Variants in CFAP74 observed in about 807,000 individuals in gnomAD.
The protein encoded by CFAP74 is cilia and flagella associated protein 74.
CFAP74 carries 124 observed loss-of-function variants against 188.9 expected under a neutral mutation model. The observed-to-expected ratio is 0.66, with a 90% CI of 0.57 to 0.76. The LOEUF (loss-of-function observed/expected upper bound fraction) is 0.76. CFAP74 is among the 30% of genes least tolerant of loss of function. The probability of loss-of-function intolerance (pLI) is 0.00; values close to 1 mark genes in which losing one functional copy is unlikely to be tolerated. For missense variants in CFAP74, 2,198 were observed against 2,165.2 expected (o/e 1.02, Z -0.30); for synonymous variants, 956 against 916.7 (o/e 1.04, Z -0.77).
At chr1:1,994,030 T>A (rs1181056689) in intron 1 of CFAP74, among the ~76,000 whole-genome samples, 1 of 151,782 alleles carries the variant, frequency 6.6e-6, no homozygotes, top group African/African-American at 2.4e-5. Context: ...CCAGGCGTGG[T>A]GGTGGGCACC....
At position 1,985,369 on chromosome 1, in the gene CFAP74, G is replaced by A. The variant is rs1345112022; in HGVS notation, c.500+17C>T. The A allele has an allele frequency of 6.2e-7, 1 of 1,606,792 alleles. No individual in the cohort carries two copies. The highest frequency in any genetic ancestry group is 1.7e-5 in the Admixed American group (1 of 60,026). ...TGGGGCCTGCCTGCTGCCAGTCCCG[G>A]CTGCACACCGACTCACTCGCTCTCC... On this transcript the variant is annotated intron_variant, in intron 6 of 38. Coordinates refer to ENST00000682832, the MANE Select transcript of CFAP74 (RefSeq NM_001304360.2).
chr1:1,928,650 T>C, intron 27 of CFAP74, 134 bp downstream of exon 27: 1 of 631,930 alleles, frequency 1.6e-6, no homozygotes, highest in Non-Finnish European at 2.8e-6. Context: ...GCTCGACACG[T>C]GCATTGCTTG....
chr1:1,972,897 T>G, intron 8 of CFAP74, 40 bp downstream of exon 8: 1 of 1,271,198 alleles, frequency 7.9e-7, no homozygotes, highest in East Asian at 2.3e-5. Context: ...TGACCCGTAT[T>G]CTTGGGTTTC....
intron 12 of CFAP74, among the ~76,000 whole-genome samples, chr1:1,965,666 C>T (rs1310079847): frequency 6.6e-6 from 1 of 151,930 alleles, no homozygotes; most frequent in Non-Finnish European, 1.5e-5. Flanking sequence ...GTGGGGGGGG[C>T]ACTTGGCACC....
chr1:1,958,246 G>A lies in CFAP74; in HGVS notation c.1851+874C>T, dbSNP rs980741294. Reference sequence around the variant, plus strand: ...ATCTTCCTGGGGTGGGGGACATAGCGCGCCTCTGCCCTTCGCCTGCCCCGG... The same window carrying A: ...ATCTTCCTGGGGTGGGGGACATAGCACGCCTCTGCCCTTCGCCTGCCCCGG... On this transcript the variant is annotated intron_variant, in intron 16 of 38. Transcript: ENST00000682832. Among the ~76,000 whole-genome samples the A allele has an allele frequency of 7.2e-5, 11 of 152,248 alleles. 1 individual carries two copies. In the East Asian group the frequency reaches 1.3e-3, roughly 19 times the overall value.
At chr1:1,981,086 G>A (rs552167300) in intron 6 of CFAP74, among the ~76,000 whole-genome samples, 6 of 152,320 alleles carry the variant, frequency 3.9e-5, no homozygotes, top group South Asian at 2.1e-4. Context: ...CGGGGACCAC[G>A]CTCTCCAAGC....
chr1:1,973,147 G>A lies in CFAP74; in HGVS notation c.675-100C>T. The A allele has an allele frequency of 1.2e-6, 1 of 831,856 alleles. No homozygotes were observed. Among genetic ancestry groups the A allele is most frequent in the Non-Finnish European group, 1.9e-6 (1 of 518,284 alleles). 51.5% of individuals were successfully genotyped at this position (831,856 alleles called of 1,614,324 possible). A position where few individuals can be genotyped will look rare whatever the true frequency, so the allele number is the denominator to read the frequency against. ...GAGCTCGTGTCCCAGAGACGCCGTG[G>A]GCCCTTTCGCTCAGCTCTGTCCCGC... On this transcript the variant is annotated intron_variant, in intron 7 of 38. Coordinates refer to ENST00000682832, the MANE Select transcript of CFAP74 (RefSeq NM_001304360.2). The surrounding 1 kb of genome is among the most constrained non-coding windows in gnomAD (Gnocchi z 6.2).
intron 18 of CFAP74, chr1:1,955,037 G>C: frequency 8.6e-7 from 1 of 1,167,570 alleles, no homozygotes; most frequent in African/African-American, 3.1e-5. Context: ...GGCTCACACC[G>C]GAAGTGCGGC....
chr1:1,939,308 C>T lies in CFAP74; in HGVS notation c.2877+286G>A, dbSNP rs80275244. 2.2e-3 allele frequency among the ~76,000 whole-genome samples: 333 copies of T among 152,312 alleles called. 1 individual carries two copies. Among genetic ancestry groups the T allele is most frequent in the African/African-American group, 7.4e-3 (307 of 41,556 alleles). On this transcript the variant is annotated intron_variant, in intron 24 of 38. Coordinates refer to ENST00000682832, the MANE Select transcript of CFAP74 (RefSeq NM_001304360.2). ...GTGAGGGGTGCCCAGGCTTGGGCCT[C>T]GTCCCAGCTACCTTGTGTGGCCCCA...
chr1:1,986,808 T>TG (rs1387214460), intron 5 of CFAP74, 129 bp downstream of exon 5: 2 of 709,856 alleles, frequency 2.8e-6, no homozygotes, highest in African/African-American at 1.8e-5. Flanking sequence ...GTTCGTGTTG[T>TG]GGCCTCACAC....
chr1:1,977,515 A>G (rs1302283826), intron 6 of CFAP74, among the ~76,000 whole-genome samples: 1 of 152,192 alleles, frequency 6.6e-6, no homozygotes, highest in Non-Finnish European at 1.5e-5. Context: ...TCCCAGGGGC[A>G]AGAACAAAGT....
chr1:1,958,808 C>T (rs1233557360), intron 16 of CFAP74, among the ~76,000 whole-genome samples: 2 of 152,276 alleles, frequency 1.3e-5, no homozygotes, highest in South Asian at 2.1e-4. Flanking sequence ...AGGCGGGATC[C>T]CCCCAAGAGC....
At chr1:1,953,107 C>T (rs1451369886) in intron 18 of CFAP74, among the ~76,000 whole-genome samples, 3 of 152,080 alleles carry the variant, frequency 2.0e-5, no homozygotes, top group South Asian at 4.1e-4. Flanking sequence ...TATCCTGAGG[C>T]CCTAATGCAA....
Position 1,923,152 on chromosome 1 carries a change from G to T in CFAP74, c.4523-7C>A. 1 of 1,604,034 alleles carries T rather than the reference G, an allele frequency of 6.2e-7. No individual in the cohort carries two copies. The highest frequency in any genetic ancestry group is 1.1e-5 in the South Asian group (1 of 89,992). ...GGGCCTGGCCGGGAGCTGGCTGGAGGGGTGTGGCCAGGGGAGCTGTTCAGG... is the reference window on the plus strand; with the variant it reads ...GGGCCTGGCCGGGAGCTGGCTGGAGTGGTGTGGCCAGGGGAGCTGTTCAGG... On this transcript the variant is annotated splice_polypyrimidine_tract_variant and splice_region_variant and intron_variant, in intron 36 of 38. Coordinates refer to ENST00000682832, the MANE Select transcript of CFAP74 (RefSeq NM_001304360.2). The surrounding 1 kb of genome is among the most constrained non-coding windows in gnomAD (Gnocchi z 6.3).
Position 1,923,156 on chromosome 1 carries a change from G to A in CFAP74, c.4523-11C>T. 4 of 1,600,444 alleles carry A rather than the reference G, an allele frequency of 2.5e-6. No homozygotes were observed. The highest frequency in any genetic ancestry group is 3.4e-6 in the Non-Finnish European group (4 of 1,175,398). On this transcript the variant is annotated splice_polypyrimidine_tract_variant and intron_variant, in intron 36 of 38. Coordinates refer to ENST00000682832, the MANE Select transcript of CFAP74 (RefSeq NM_001304360.2). The surrounding 1 kb of genome is among the most constrained non-coding windows in gnomAD (Gnocchi z 6.3). The stretch of plus-strand genomic sequence containing the variant: ...CTGGCCGGGAGCTGGCTGGAGGGGT[G>A]TGGCCAGGGGAGCTGTTCAGGGTCA...
intron 18 of CFAP74, among the ~76,000 whole-genome samples, chr1:1,950,336 A>ATTT (rs879761291): frequency 7.4e-6 from 1 of 134,782 alleles, no homozygotes. Flanking sequence ...TCTTTTGCCC[A>ATTT]TTTTTTTTTT....
In CFAP74 at chr1:1,927,730, G is replaced by A. The variant is rs937969390; in HGVS notation, c.3404C>T (p.Ala1135Val). 32 of 1,549,896 alleles carry A rather than the reference G, an allele frequency of 2.1e-5. No individual in the cohort carries two copies. The highest frequency in any genetic ancestry group is 3.6e-5 in the South Asian group (3 of 84,056). Residue 1135 changes from alanine (A) to valine (V), a missense_variant, in exon 28 of 39, where the codon GCC becomes GTC. By Grantham distance (64) the Ala-to-Val change is moderately conservative. Coordinates refer to ENST00000682832, the MANE Select transcript of CFAP74 (RefSeq NM_001304360.2). Reference sequence around the variant, plus strand: ...TCCATGCAGGTCCTTCCTCTGGGGGGCCATATTCTTTCGGAACTGTGGGGG... The same window carrying A: ...TCCATGCAGGTCCTTCCTCTGGGGGACCATATTCTTTCGGAACTGTGGGGG... ...METKSFRKNM[A>V]PQRKDLHGLS...
At chr1:1,981,089 C>T (rs922911592) in intron 6 of CFAP74, among the ~76,000 whole-genome samples, 2 of 152,220 alleles carry the variant, frequency 1.3e-5, no homozygotes, top group Non-Finnish European at 2.9e-5. Context: ...GGACCACGCT[C>T]TCCAAGCTGC....
rs1655623799 is a variant in CFAP74, at chr1:1,968,265, A to G, written c.1245+370T>C. 6.6e-6 allele frequency among the ~76,000 whole-genome samples: 1 copy of G among 152,030 alleles called. No homozygotes were observed. Among genetic ancestry groups the G allele is most frequent in the Non-Finnish European group, 1.5e-5 (1 of 67,988 alleles). On this transcript the variant is annotated intron_variant, in intron 11 of 38. Coordinates refer to ENST00000682832, the MANE Select transcript of CFAP74 (RefSeq NM_001304360.2). The surrounding 1 kb of genome is among the most constrained non-coding windows in gnomAD (Gnocchi z 4.3). ...GGGTGATCCCAGGCATGTGGTCTGA[A>G]CGGCTGTGCACATCTCCCTGGCAGG...
Sources: gnomAD v4.1 joint callset for allele counts (sites outside exome capture counted in the v4.1 genomes callset) on GRCh38, gnomAD v4.1.1 for gene constraint, Gnocchi (gnomAD v3.1) non-coding constraint, MANE v1.5 for transcripts, NCBI Gene and HGNC (gene_info 2026-07-23, HGNC 2026-07-21) for gene names.